The following HCN1 variants were observed in gnomAD, a reference collection of about 807,000 sequenced individuals.
HCN1 encodes the protein hyperpolarization activated cyclic nucleotide gated potassium channel 1, also known as potassium/sodium hyperpolarization-activated cyclic nucleotide-gated channel 1.
A neutral mutation model predicts 78.9 loss-of-function variants in HCN1; 13 were observed. That is an observed-to-expected ratio of 0.16 (90% CI 0.11 to 0.26). The LOEUF is 0.26. HCN1 is among the 10% of genes least tolerant of loss of function. HCN1 has a pLI of 1.00. For missense variants in HCN1, 810 were observed against 1,154.3 expected, an observed-to-expected ratio of 0.70 and a Z score of 4.32; for synonymous variants, 552 against 455.5, an observed-to-expected ratio of 1.21 and a Z score of -2.70.
chr5:45,267,102 T>C lies in HCN1; in HGVS notation c.1770A>G (p.Arg590=). 6.2e-7 allele frequency: 1 copy of C among 1,613,334 alleles called. No homozygotes were observed. The highest frequency in any genetic ancestry group is 8.5e-7 in the Non-Finnish European group (1 of 1,179,306). ...RRAFETVAID[R]LDRIGKKNSI... ...AAACTAGAGTACCTATTCGATCTAGTCGGTCAATGGCAACTGTCTCAAAGG... is the reference window on the plus strand; with the variant it reads ...AAACTAGAGTACCTATTCGATCTAGCCGGTCAATGGCAACTGTCTCAAAGG... Residue 590 remains arginine (R), a synonymous_variant, in exon 7 of 8, where the codon CGA becomes CGG. Transcript: ENST00000303230.
chr5:45,541,329 T>C (rs959037951), intron 2 of HCN1, among the ~76,000 whole-genome samples: 10 of 152,186 alleles, frequency 6.6e-5, no homozygotes, highest in Middle Eastern at 3.2e-3. Flanking sequence ...TCTCTAGTTA[T>C]CCTGAACATG....
chr5:45,695,337 T>C (rs940120822), intron 1 of HCN1, among the ~76,000 whole-genome samples: 6 of 152,212 alleles, frequency 3.9e-5, no homozygotes, highest in Middle Eastern at 3.4e-3. Context: ...CTCTCGTCTC[T>C]GAAGTAAAAG....
chr5:45,263,983 T>C (rs974606640), intron 7 of HCN1, among the ~76,000 whole-genome samples: 10 of 152,018 alleles, frequency 6.6e-5, no homozygotes, highest in Non-Finnish European at 1.2e-4. Context: ...TTAGTAGAGA[T>C]GGGGTTTCAC....
At chr5:45,373,533 T>G (rs1473591275) in intron 4 of HCN1, among the ~76,000 whole-genome samples, 8 of 141,278 alleles carry the variant, frequency 5.7e-5, no homozygotes, top group Non-Finnish European at 1.2e-4. Context: ...ATTACATACA[T>G]TATATAGGTC....
At chr5:45,323,465 A>C (rs533226121) in intron 5 of HCN1, among the ~76,000 whole-genome samples, 19 of 152,034 alleles carry the variant, frequency 1.2e-4, no homozygotes, top group African/African-American at 4.3e-4. Flanking sequence ...GGGAATGAAA[A>C]ATAAAATGGT....
chr5:45,431,913 T>G (rs1740471509), intron 3 of HCN1, among the ~76,000 whole-genome samples: 2 of 152,140 alleles, frequency 1.3e-5, no homozygotes, highest in African/African-American at 4.8e-5. Flanking sequence ...CCTTGGCTAT[T>G]TAGGCTCTTT....
intron 3 of HCN1, among the ~76,000 whole-genome samples, chr5:45,457,499 ATAATATAAAT>A (rs1246619215): frequency 1.0e-3 from 158 of 152,278 alleles, no homozygotes; most frequent in African/African-American, 3.6e-3. Context: ...ACAAAAACAA[ATAATATAAAT>A]ACAAAGCAAA....
At chr5:45,473,216 T>C (rs1301746939) in intron 2 of HCN1, among the ~76,000 whole-genome samples, 1 of 151,972 alleles carries the variant, frequency 6.6e-6, no homozygotes, top group Non-Finnish European at 1.5e-5. Flanking sequence ...TTCTAAGTTC[T>C]ATACATAAGC....
At chr5:45,438,113 T>C (rs1464192417) in intron 3 of HCN1, among the ~76,000 whole-genome samples, 1 of 152,212 alleles carries the variant, frequency 6.6e-6, no homozygotes, top group Non-Finnish European at 1.5e-5. Context: ...ACCTTGGCAC[T>C]ATGTAAGAGG....
intron 3 of HCN1, among the ~76,000 whole-genome samples, chr5:45,437,504 C>T (rs756117554): frequency 4.5e-4 from 68 of 151,886 alleles, no homozygotes; most frequent in Non-Finnish European, 8.5e-4. Flanking sequence ...CCAAGAATAC[C>T]TTTTTCTAGT....
intron 2 of HCN1, among the ~76,000 whole-genome samples, chr5:45,617,786 T>C (rs1744982526): frequency 7.2e-6 from 1 of 138,888 alleles, no homozygotes; most frequent in Admixed American, 7.3e-5. Context: ...TTATTAGTTG[T>C]TTTACTAGTT....
chr5:45,672,729 G>C (rs889537338), intron 1 of HCN1, among the ~76,000 whole-genome samples: 1 of 151,292 alleles, frequency 6.6e-6, no homozygotes, highest in Non-Finnish European at 1.5e-5. Flanking sequence ...TTTAATTGGA[G>C]AGGCTTGTAG....
intron 5 of HCN1, among the ~76,000 whole-genome samples, chr5:45,310,708 G>A (rs987650350): frequency 6.6e-6 from 1 of 152,052 alleles, no homozygotes. Flanking sequence ...ATAAAGACAT[G>A]CATGCATATG....
chr5:45,349,301 A>G lies in HCN1; in HGVS notation c.1377+3799T>C, dbSNP rs961177033. ...GGGTACATAACGAAATGAAGGCAGA[A>G]ATAAAGATGTTCTTTGAAACCAATG... On this transcript the variant is annotated intron_variant, in intron 5 of 7. Transcript: ENST00000303230. Among the ~76,000 whole-genome samples, 3 of 152,226 alleles carry G rather than the reference A, an allele frequency of 2.0e-5. No homozygotes were observed. In the East Asian group the frequency reaches 5.8e-4, roughly 29 times the overall value.
Position 45,672,280 on chromosome 5 carries a change from T to C in HCN1, c.425+23389A>G, listed in dbSNP as rs2696011. ...ATTAGCATATTTATGCAGAAAATAC[T>C]AGAAATTATATTATTCTCGTACAGA... On this transcript the variant is annotated intron_variant, in intron 1 of 7. Transcript: ENST00000303230. Among the ~76,000 whole-genome samples, 1,105 of 151,694 alleles carry C rather than the reference T, an allele frequency of 7.3e-3. 10 individuals carry two copies. Among genetic ancestry groups the C allele is most frequent in the African/African-American group, 0.026 (1,058 of 41,468 alleles).
chr5:45,569,410 A>T (rs1386215552), intron 2 of HCN1, among the ~76,000 whole-genome samples: 1 of 152,168 alleles, frequency 6.6e-6, no homozygotes, highest in Non-Finnish European at 1.5e-5. Context: ...TATTTTAAAA[A>T]TTCTTTTGAG....
chr5:45,443,302 C>T (rs1032536892), intron 3 of HCN1, among the ~76,000 whole-genome samples: 1 of 151,940 alleles, frequency 6.6e-6, no homozygotes, highest in African/African-American at 2.4e-5. Flanking sequence ...GGTACTTTCT[C>T]CATTTTTCTT....
intron 3 of HCN1, 143 bp downstream of exon 3, chr5:45,461,703 A>G: frequency 1.3e-6 from 1 of 781,002 alleles, no homozygotes; most frequent in East Asian, 2.7e-5. Context: ...CAAACATAAC[A>G]TCTGATTTTA....
chr5:45,499,274 A>G (rs1457442838), intron 2 of HCN1, among the ~76,000 whole-genome samples: 2 of 152,212 alleles, frequency 1.3e-5, no homozygotes, highest in Non-Finnish European at 2.9e-5. Flanking sequence ...AGCCACGTGC[A>G]GGATATAATC....
Sources: gnomAD v4.1 joint callset for allele counts (sites outside exome capture counted in the v4.1 genomes callset) on GRCh38, gnomAD v4.1.1 for gene constraint, MANE v1.5 for transcripts, NCBI Gene and HGNC (gene_info 2026-07-23, HGNC 2026-07-21) for gene names.